The following BCL6B variants were observed in gnomAD, a reference collection of about 807,000 sequenced individuals.
BCL6B encodes BCL6B transcription repressor, also known as B-cell CLL/lymphoma 6 member B protein.
BCL6B carries 28 observed loss-of-function variants against 44.6 expected under a neutral mutation model. The ratio of observed to expected loss-of-function variants is 0.63; its 90% confidence interval spans 0.47 to 0.86. The LOEUF (loss-of-function observed/expected upper bound fraction) is 0.86. Among genes scored for constraint, BCL6B ranks in the 40% least tolerant of loss-of-function variants. The probability of loss-of-function intolerance (pLI) is 0.00; values close to 1 mark genes in which losing one functional copy is unlikely to be tolerated. For missense variants in BCL6B, 626 were observed against 652.3 expected, an observed-to-expected ratio of 0.96 and a Z score of 0.44; for synonymous variants, 268 against 263.6, an observed-to-expected ratio of 1.02 and a Z score of -0.16.
At position 7,023,843 on chromosome 17, in the gene BCL6B, G is replaced by C; in HGVS notation, c.172G>C (p.Ala58Pro). 2 of 1,612,220 alleles carry C rather than the reference G, an allele frequency of 1.2e-6. No individual in the cohort carries two copies. Among genetic ancestry groups the C allele is most frequent in the Non-Finnish European group, 1.7e-6 (2 of 1,179,372 alleles). ...PLRAHKAVLI[A>P]CSGFFYSIFR... Reference sequence around the variant, plus strand: ...CAGAGCACACAAGGCAGTTCTCATCGCCTGCAGGTTCGAGGGGTGGGGCCT... The same window carrying C: ...CAGAGCACACAAGGCAGTTCTCATCCCCTGCAGGTTCGAGGGGTGGGGCCT... The change falls in exon 2 of 9, where the codon GCC (alanine) becomes CCC (proline). Residue 58 changes from alanine to proline, a missense_variant. Ala to Pro is a conservative substitution (Grantham distance 27, BLOSUM62 -1). Transcript: ENST00000293805.
At position 7,027,592 on chromosome 17, in the gene BCL6B, G is replaced by A. The variant is rs955133637; in HGVS notation, c.1413G>A (p.Val471=). The A allele has an allele frequency of 3.1e-6, 5 of 1,613,468 alleles. No individual in the cohort carries two copies. In the African/African-American group the frequency reaches 4.0e-5, roughly 13 times the overall value. The part of the protein sequence containing the change: ...QKHGAATNTK[V]HYHILGGP ...ACGGAGCTGCTACCAACACCAAAGTGCACTACCACATTCTCGGGGGGCCCT... is the reference window on the plus strand; with the variant it reads ...ACGGAGCTGCTACCAACACCAAAGTACACTACCACATTCTCGGGGGGCCCT... The change falls in exon 9 of 9, where the codon GTG becomes GTA. Residue 471 remains valine (V), a synonymous_variant. Transcript: ENST00000293805.
rs200688640 is a variant in BCL6B at position 7,024,112 on chromosome 17, G to A, written c.209G>A (p.Arg70His). 6.2e-6 allele frequency: 10 copies of A among 1,614,016 alleles called. No individual in the cohort carries two copies. The highest frequency in any genetic ancestry group is 2.2e-5 in the South Asian group (2 of 91,092). The change falls in exon 3 of 9, where the codon CGT becomes CAT. Residue 70 changes from arginine (R) to histidine (H), a missense_variant. Arg to His is a conservative substitution (Grantham distance 29). Transcript: ENST00000293805. This position sits in a 1 kb window ranked among gnomAD's most constrained non-coding sequence, Gnocchi z 6.6. ...TTCTTCTATTCAATTTTCCGGGGCC[G>A]TGCGGGAGTCGGGGTGGACGTGCTC... Reference protein sequence around the residue: ...SGFFYSIFRGRAGVGVDVLSL... With the variant: ...SGFFYSIFRGHAGVGVDVLSL...
Position 7,026,680 on chromosome 17 carries a change from GATCTCCC to G in BCL6B, c.1055-22_1055-16del. The G allele has an allele frequency of 1.2e-6, 2 of 1,614,230 alleles. No individual in the cohort carries two copies. The highest frequency in any genetic ancestry group is 1.7e-6 in the Non-Finnish European group (2 of 1,180,032). Reference sequence around the variant, plus strand: ...ACAGCTGTCCTAGGGCAAAGTCCCTGATCTCCCATGTTCTCTGCCTCCAGGGGAAAAG... The same window carrying G: ...ACAGCTGTCCTAGGGCAAAGTCCCTGATGTTCTCTGCCTCCAGGGGAAAAG... On this transcript the variant is annotated intron_variant, in intron 6 of 8. Coordinates refer to ENST00000293805, the MANE Select transcript of BCL6B (RefSeq NM_181844.4).
chr17:7,027,196 G>A, intron 8 of BCL6B, 109 bp downstream of exon 8: 1 of 1,437,036 alleles, frequency 7.0e-7, no homozygotes, highest in East Asian at 2.4e-5. Flanking sequence ...TTAGAAATGA[G>A]CGGTGGCCGG....
At position 7,029,581 on chromosome 17, in the gene BCL6B, T is replaced by A; in HGVS notation, c.*1962T>A. The A allele has an allele frequency of 8.7e-7, 1 of 1,153,124 alleles. No individual in the cohort carries two copies. The allele number at this position is 1,153,124 out of a possible 1,614,324, so 71.4% of individuals were successfully genotyped here. On this transcript the variant is annotated 3_prime_UTR_variant, in exon 9 of 9. Transcript: ENST00000293805. ...ATTGGATGGGCAGGTGGAGAATGCC[T>A]GGGGGTAGAAATGTTAGATCTTGCA...
intron 2 of BCL6B, 84 bp from the exon 3 acceptor site, chr17:7,023,997 CTT>C (rs1441919133): frequency 6.5e-7 from 1 of 1,541,060 alleles, no homozygotes; most frequent in Admixed American, 1.8e-5. Flanking sequence ...GGAGGCGGGA[CTT>C]TTTCAGGGGG....
chr17:7,024,545 C>A lies in BCL6B; in HGVS notation c.546C>A (p.Pro182=), dbSNP rs371817749. 20 of 1,614,096 alleles carry A rather than the reference C, an allele frequency of 1.2e-5. No homozygotes were observed. Among genetic ancestry groups the A allele is most frequent in the East Asian group, 2.2e-5 (1 of 44,872 alleles). The change falls in exon 4 of 9, where the codon CCC becomes CCA. Residue 182 remains proline, a synonymous_variant. Transcript: ENST00000293805. The surrounding 1 kb of genome is among the most constrained non-coding windows in gnomAD (Gnocchi z 6.6). ...CTCGAAGCTGCAGTCAAGGCCCCCC[C>A]AGTCCAGCCAGCCCTGACCCCAAGG... ...TESRSCSQGP[P]SPASPDPKAC...
rs562005135 is a variant in BCL6B at position 7,028,170 on chromosome 17, C to CTGTT, written c.*558_*561dup. The CTGTT allele has an allele frequency of 1.0e-6, 1 of 985,798 alleles. No homozygotes were observed. Among genetic ancestry groups the CTGTT allele is most frequent in the Admixed American group, 6.1e-5 (1 of 16,334 alleles). The allele number at this position is 985,798 out of a possible 1,614,324, so 61.1% of individuals were successfully genotyped here. On this transcript the variant is annotated 3_prime_UTR_variant, in exon 9 of 9. Coordinates refer to ENST00000293805, the MANE Select transcript of BCL6B (RefSeq NM_181844.4). ...TTTATCTTTAGAATTGTTCTTTCTC[C>CTGTT]TGTTTGTTTGCTTGTTAGTTTGTTT...
Position 7,026,319 on chromosome 17 carries a change from G to A in BCL6B, c.890-138G>A, listed in dbSNP as rs1057273372. 7.9e-6 allele frequency: 9 copies of A among 1,146,340 alleles called. No individual in the cohort carries two copies. The Admixed American group carries it at 1.9e-4, about 24-fold the overall frequency. 71.0% of individuals were successfully genotyped at this position (1,146,340 alleles called of 1,614,324 possible). ...TTACTATCTTCTTACTTGGCCTTGA[G>A]CAAGTCAAACCAGCCCCAGAAGTCT... On this transcript the variant is annotated intron_variant, in intron 5 of 8. Coordinates refer to ENST00000293805, the MANE Select transcript of BCL6B (RefSeq NM_181844.4).
In BCL6B at chr17:7,025,136, C is replaced by T; in HGVS notation, c.825C>T (p.Tyr275=). 1.2e-6 allele frequency: 2 copies of T among 1,614,178 alleles called. No homozygotes were observed. Among genetic ancestry groups the T allele is most frequent in the South Asian group, 2.2e-5 (2 of 91,084 alleles). The change falls in exon 5 of 9, where the codon TAC becomes TAT. Residue 275 remains tyrosine (Y), a synonymous_variant. Coordinates refer to ENST00000293805, the MANE Select transcript of BCL6B (RefSeq NM_181844.4). ...GTGGGGCTCCAGCCAGTACCCCCTACCTCCTCACATCCCAGGCTCAAGACA... is the reference window on the plus strand; with the variant it reads ...GTGGGGCTCCAGCCAGTACCCCCTATCTCCTCACATCCCAGGCTCAAGACA... The part of the protein sequence containing the change: ...FKCGAPASTP[Y]LLTSQAQDTS...
intron 8 of BCL6B, 32 bp from the exon 9 acceptor site, chr17:7,027,471 G>T (rs9905092): frequency 0.015 from 24,291 of 1,611,894 alleles, 683 homozygotes; most frequent in African/African-American, 0.1. Context: ...ATTGTGGATG[G>T]GGCAGGGCCT....
chr17:7,026,320 C>A, intron 5 of BCL6B, 137 bp from the exon 6 acceptor site: 1 of 1,154,288 alleles, frequency 8.7e-7, no homozygotes. Flanking sequence ...TGGCCTTGAG[C>A]AAGTCAAACC....
Position 7,024,539 on chromosome 17 carries a change from C to G in BCL6B, c.540C>G (p.Gly180=). Reference sequence around the variant, plus strand: ...CTGAATCTCGAAGCTGCAGTCAAGGCCCCCCCAGTCCAGCCAGCCCTGACC... The same window carrying G: ...CTGAATCTCGAAGCTGCAGTCAAGGGCCCCCCAGTCCAGCCAGCCCTGACC... ...PPTESRSCSQ[G]PPSPASPDPK... The change falls in exon 4 of 9, where the codon GGC becomes GGG. Residue 180 remains glycine, a synonymous_variant. Transcript: ENST00000293805. This position sits in a 1 kb window ranked among gnomAD's most constrained non-coding sequence, Gnocchi z 6.6. 1 of 1,613,762 alleles carries G rather than the reference C, an allele frequency of 6.2e-7. No homozygotes were observed. The highest frequency in any genetic ancestry group is 1.1e-5 in the South Asian group (1 of 91,062).
At position 7,026,852 on chromosome 17, in the gene BCL6B, C is replaced by T; in HGVS notation, c.1185+17C>T. The T allele has an allele frequency of 1.2e-6, 2 of 1,613,106 alleles. No individual in the cohort carries two copies. The highest frequency in any genetic ancestry group is 1.7e-6 in the Non-Finnish European group (2 of 1,179,996). On this transcript the variant is annotated intron_variant, in intron 7 of 8. Coordinates refer to ENST00000293805, the MANE Select transcript of BCL6B (RefSeq NM_181844.4). ...TTTGTACAGGTACGGAGCCAGCCTC[C>T]AAGTGGCTTCCAAGGCAAACCTGCA... is the stretch of plus-strand genomic sequence containing the variant.
In BCL6B at chr17:7,024,990, G is replaced by A; in HGVS notation, c.765-86G>A. Reference sequence around the variant, plus strand: ...AATATTGGCTCACCCTGAGAGGGCAGGCCTTTGGCTCCAAATTTCCCAGGA... The same window carrying A: ...AATATTGGCTCACCCTGAGAGGGCAAGCCTTTGGCTCCAAATTTCCCAGGA... On this transcript the variant is annotated intron_variant, in intron 4 of 8. Coordinates refer to ENST00000293805, the MANE Select transcript of BCL6B (RefSeq NM_181844.4). The surrounding 1 kb of genome is among the most constrained non-coding windows in gnomAD (Gnocchi z 6.6). 6.4e-7 allele frequency: 1 copy of A among 1,553,946 alleles called. No individual in the cohort carries two copies. The highest frequency in any genetic ancestry group is 8.7e-7 in the Non-Finnish European group (1 of 1,148,728).
chr17:7,027,518 C>G lies in BCL6B; in HGVS notation c.1339C>G (p.Leu447Val). ...EKPYHCDPCG[L>V]HFRHKSQLRL... ...CCTCCCACAGTGCGACCCCTGTGGC[C>G]TGCATTTCCGGCACAAGAGTCAACT... The change falls in exon 9 of 9, where the codon CTG becomes GTG. Residue 447 changes from leucine (L) to valine (V), a missense_variant. By Grantham distance (32) the Leu-to-Val change is conservative (BLOSUM62 1). Transcript: ENST00000293805. The G allele has an allele frequency of 6.2e-7, 1 of 1,613,870 alleles. No individual in the cohort carries two copies. The highest frequency in any genetic ancestry group is 1.1e-5 in the South Asian group (1 of 91,086).
In BCL6B at chr17:7,025,139, C is replaced by T; in HGVS notation, c.828C>T (p.Leu276=). Reference sequence around the variant, plus strand: ...GGGCTCCAGCCAGTACCCCCTACCTCCTCACATCCCAGGCTCAAGACACCT... The same window carrying T: ...GGGCTCCAGCCAGTACCCCCTACCTTCTCACATCCCAGGCTCAAGACACCT... ...KCGAPASTPY[L]LTSQAQDTSG... is the part of the protein sequence containing the mutation. The change falls in exon 5 of 9, where the codon CTC becomes CTT. Residue 276 remains leucine (L), a synonymous_variant. Transcript: ENST00000293805. The T allele has an allele frequency of 6.2e-7, 1 of 1,614,190 alleles. No homozygotes were observed. The highest frequency in any genetic ancestry group is 8.5e-7 in the Non-Finnish European group (1 of 1,180,028).
At position 7,023,766 on chromosome 17, in the gene BCL6B, G is replaced by C; in HGVS notation, c.95G>C (p.Arg32Pro). Residue 32 changes from arginine (R) to proline (P), a missense_variant, in exon 2 of 9, where the codon CGC becomes CCC. Transcript: ENST00000293805. ...GTGCTGGGCAACCTCAACGAGCTGCGCCTGCGCGGGATCCTCACTGACGTC... is the reference window on the plus strand; with the variant it reads ...GTGCTGGGCAACCTCAACGAGCTGCCCCTGCGCGGGATCCTCACTGACGTC... ...SDVLGNLNEL[R>P]LRGILTDVTL... The C allele has an allele frequency of 6.2e-7, 1 of 1,613,394 alleles. No homozygotes were observed. Among genetic ancestry groups the C allele is most frequent in the South Asian group, 1.1e-5 (1 of 91,078 alleles).
rs1176270531 is a variant in BCL6B at position 7,024,325 on chromosome 17, G to C, written c.401+21G>C. The C allele has an allele frequency of 6.2e-7, 1 of 1,613,676 alleles. No individual in the cohort carries two copies. Among genetic ancestry groups the C allele is most frequent in the Admixed American group, 1.7e-5 (1 of 60,016 alleles). On this transcript the variant is annotated intron_variant, in intron 3 of 8. Transcript: ENST00000293805. The surrounding 1 kb of genome is among the most constrained non-coding windows in gnomAD (Gnocchi z 6.6). ...GCCAGGTGAGGGACCCTGGCTCGGC[G>C]TTCTCTGTGGGTGAGGTGTTAAGGG...
Sources: gnomAD v4.1 joint callset for allele counts on GRCh38, gnomAD v4.1.1 for gene constraint, Gnocchi (gnomAD v3.1) non-coding constraint, MANE v1.5 for transcripts, NCBI Gene and HGNC (gene_info 2026-07-23, HGNC 2026-07-21) for gene names.